ASB5: variants seen among roughly 807,000 people sequenced by gnomAD.
The protein encoded by ASB5 is ankyrin repeat and SOCS box containing 5.
In ASB5, 45 loss-of-function variants were observed where a neutral mutation model predicts 42.1. That is an observed-to-expected ratio of 1.07 (90% CI 0.84 to 1.37). The LOEUF (loss-of-function observed/expected upper bound fraction) is 1.37. Among genes scored for constraint, ASB5 ranks in the 40% most tolerant of loss-of-function variants. The pLI is 0.00. For synonymous variants in ASB5, 147 were observed against 150.6 expected (o/e 0.98, Z 0.18); for missense variants, 402 against 399.8 (o/e 1.01, Z -0.05).
rs573855486 is a variant in ASB5, at chr4:176,223,164, C to T, written c.277-744G>A. On this transcript the variant is annotated intron_variant, in intron 2 of 6. Coordinates refer to ENST00000296525, the MANE Select transcript of ASB5 (RefSeq NM_080874.4). ...AAACTATAGTAAACAGTTTTGTGAA[C>T]TTTTGTCCCTAAATAGGTATGATGA... Among the ~76,000 whole-genome samples, 8 of 152,266 alleles carry T rather than the reference C, an allele frequency of 5.3e-5. 1 individual carries two copies. In the South Asian group the frequency reaches 1.0e-3, roughly 20 times the overall value.
chr4:176,230,649 C>T (rs951027236), intron 1 of ASB5, among the ~76,000 whole-genome samples: 45 of 152,110 alleles, frequency 3.0e-4, no homozygotes, highest in African/African-American at 1.1e-3. Flanking sequence ...GTTTTCACAC[C>T]TTGTTCTTCC....
At chr4:176,222,252 A>G in intron 3 of ASB5, 61 bp downstream of exon 3, 1 of 1,421,074 alleles carries the variant, frequency 7.0e-7, no homozygotes, top group South Asian at 1.2e-5. Context: ...TAAAATGAGA[A>G]CTCTGTTGGA....
intron 1 of ASB5, among the ~76,000 whole-genome samples, chr4:176,258,871 G>A (rs1754205446): frequency 6.6e-6 from 1 of 152,126 alleles, no homozygotes; most frequent in African/African-American, 2.4e-5. Flanking sequence ...TAGACTCCAA[G>A]TACTAAGCTT....
At position 176,250,948 on chromosome 4, in the gene ASB5, C is replaced by T. The variant is rs77032700; in HGVS notation, c.196+17965G>A. ...TCATTCTTTTTACCCACTTTGTCCACACACCGTTTTATCTACCAACTGCCA... is the reference window on the plus strand; with the variant it reads ...TCATTCTTTTTACCCACTTTGTCCATACACCGTTTTATCTACCAACTGCCA... On this transcript the variant is annotated intron_variant, in intron 1 of 6. Transcript: ENST00000296525. 3.0e-3 allele frequency among the ~76,000 whole-genome samples: 456 copies of T among 152,302 alleles called. 3 individuals carry two copies. Among genetic ancestry groups the T allele is most frequent in the African/African-American group, 0.01 (425 of 41,564 alleles).
rs1015101945 is a variant in ASB5 at position 176,221,390 on chromosome 4, G to C, written c.535+60C>G. 1.9e-6 allele frequency: 3 copies of C among 1,600,716 alleles called. No individual in the cohort carries two copies. The East Asian group carries it at 6.7e-5, about 36-fold the overall frequency. On this transcript the variant is annotated intron_variant, in intron 4 of 6. Coordinates refer to ENST00000296525, the MANE Select transcript of ASB5 (RefSeq NM_080874.4). ...TGTCATTCATTGAAAGATCAACAGA[G>C]CACTGCAGGTTGCTAAAGAAACTTT...
intron 1 of ASB5, among the ~76,000 whole-genome samples, chr4:176,235,890 C>G (rs1753672494): frequency 6.6e-6 from 1 of 151,288 alleles, no homozygotes; most frequent in African/African-American, 2.4e-5. Context: ...GCTCTGTCAT[C>G]CAGACTGGAG....
At chr4:176,253,414 T>G (rs1754083738) in intron 1 of ASB5, among the ~76,000 whole-genome samples, 1 of 152,204 alleles carries the variant, frequency 6.6e-6, no homozygotes, top group South Asian at 2.1e-4. Flanking sequence ...AACCTAGGAT[T>G]TAGCTATTTT....
At chr4:176,217,408 T>C (rs565847460) in intron 5 of ASB5, among the ~76,000 whole-genome samples, 1 of 152,314 alleles carries the variant, frequency 6.6e-6, no homozygotes. Flanking sequence ...TGATAGCTTT[T>C]AGAATTATTC....
At chr4:176,241,589 T>C in intron 1 of ASB5, 4 of 1,457,264 alleles carry the variant, frequency 2.7e-6, no homozygotes, top group South Asian at 1.4e-5. Flanking sequence ...AGGAGTCATA[T>C]CTGAGCCCAG....
upstream of ASB5, among the ~76,000 whole-genome samples, chr4:176,273,257 A>G (rs980100033): frequency 6.6e-6 from 1 of 152,224 alleles, no homozygotes; most frequent in Non-Finnish European, 1.5e-5. Flanking sequence ...TCCTAGCCCT[A>G]GAACAGGGTT....
intron 1 of ASB5, among the ~76,000 whole-genome samples, chr4:176,227,032 C>T (rs544195805): frequency 6.6e-6 from 1 of 152,318 alleles, no homozygotes; most frequent in South Asian, 2.1e-4. Flanking sequence ...AGTTATCTCC[C>T]CTGCAGTAAA....
intron 1 of ASB5, among the ~76,000 whole-genome samples, chr4:176,243,896 T>G (rs1219328898): frequency 1.3e-5 from 2 of 152,222 alleles, no homozygotes; most frequent in Admixed American, 6.5e-5. Context: ...TTGATCCTTT[T>G]ATTTTCAACC....
chr4:176,252,410 A>G (rs966178957), intron 1 of ASB5, among the ~76,000 whole-genome samples: 5 of 152,176 alleles, frequency 3.3e-5, no homozygotes, highest in African/African-American at 1.2e-4. Flanking sequence ...AATTCCATTC[A>G]CTTAAGTTTG....
intron 1 of ASB5, among the ~76,000 whole-genome samples, chr4:176,244,227 A>G (rs1359441286): frequency 6.6e-6 from 1 of 152,146 alleles, no homozygotes; most frequent in African/African-American, 2.4e-5. Flanking sequence ...ATTCAGACTC[A>G]AGCATTAAGG....
chr4:176,262,518 A>G (rs548065684), intron 1 of ASB5, among the ~76,000 whole-genome samples: 4 of 152,290 alleles, frequency 2.6e-5, no homozygotes, highest in African/African-American at 9.6e-5. Context: ...CTTCTGTGTA[A>G]CTGGCATATC....
chr4:176,227,775 A>G (rs1753419981), intron 1 of ASB5, among the ~76,000 whole-genome samples: 1 of 152,104 alleles, frequency 6.6e-6, no homozygotes, highest in African/African-American at 2.4e-5. Flanking sequence ...AGAGATAGCA[A>G]TCCTATCTCT....
chr4:176,222,604 C>A (rs1433532048), intron 2 of ASB5, among the ~76,000 whole-genome samples, 184 bp from the exon 3 acceptor site: 1 of 152,132 alleles, frequency 6.6e-6, no homozygotes, highest in Non-Finnish European at 1.5e-5. Flanking sequence ...GACTCCTTAG[C>A]CCTATTATTG....
intron 1 of ASB5, among the ~76,000 whole-genome samples, chr4:176,252,071 AAAAAAAAAAAAAG>A (rs1175733063): frequency 2.8e-4 from 20 of 71,332 alleles, no homozygotes; most frequent in South Asian, 5.1e-4. Context: ...GTCTCAAAAA[AAAAAAAAAAAAAG>A]AAAAAAAAAA....
intron 1 of ASB5, among the ~76,000 whole-genome samples, chr4:176,234,404 C>G (rs940639418): frequency 6.6e-6 from 1 of 152,188 alleles, no homozygotes; most frequent in African/African-American, 2.4e-5. Context: ...ATCACTTGTT[C>G]TCTGACTTTA....
Sources: gnomAD v4.1 joint callset for allele counts (sites outside exome capture counted in the v4.1 genomes callset) on GRCh38, gnomAD v4.1.1 for gene constraint, MANE v1.5 for transcripts, NCBI Gene and HGNC (gene_info 2026-07-23, HGNC 2026-07-21) for gene names.